SBF2: variants seen among roughly 807,000 people sequenced by gnomAD.
SBF2 encodes the protein SET binding factor 2, also known as myotubularin-related protein 13.
Under a neutral mutation model 225.2 loss-of-function variants are expected in SBF2, and 112 were observed. The observed-to-expected ratio is 0.50, with a 90% confidence interval of 0.43 to 0.58. The LOEUF is 0.58. Among genes scored for constraint, SBF2 ranks in the 20% least tolerant of loss-of-function variants. SBF2 has a pLI of 0.00. For missense variants in SBF2, 1,996 were observed against 2,206.2 expected (o/e 0.90, Z 1.91); for synonymous variants, 763 against 773.3 (o/e 0.99, Z 0.22).
chr11:10,163,000 A>AG (rs1407418105), intron 2 of SBF2, among the ~76,000 whole-genome samples: 1 of 152,152 alleles, frequency 6.6e-6, no homozygotes, highest in Admixed American at 6.5e-5. Context: ...TGTTTCATGA[A>AG]AATATCAGGG....
At chr11:10,223,402 TATATATATATATATATATATATATA>T (rs1958416995) in intron 1 of SBF2, among the ~76,000 whole-genome samples, 1 of 58,390 alleles carries the variant, frequency 1.7e-5, no homozygotes, top group Admixed American at 1.7e-4. Flanking sequence ...TTGCACATTA[TATATATATATATATATATATATATA>T]TATATATATA....
At chr11:10,277,210 G>A (rs1009384028) in intron 1 of SBF2, among the ~76,000 whole-genome samples, 3 of 150,266 alleles carry the variant, frequency 2.0e-5, no homozygotes, top group East Asian at 1.9e-4. Flanking sequence ...GCTTGAGCCC[G>A]GGAGTTTGAG....
At chr11:9,865,983 A>G (rs1858186761) in intron 17 of SBF2, among the ~76,000 whole-genome samples, 1 of 152,160 alleles carries the variant, frequency 6.6e-6, no homozygotes, top group Admixed American at 6.5e-5. Flanking sequence ...ATCATCATAT[A>G]TTTCAACTGC....
intron 2 of SBF2, among the ~76,000 whole-genome samples, chr11:10,079,745 G>A (rs946296376): frequency 7.2e-5 from 11 of 151,980 alleles, no homozygotes; most frequent in African/African-American, 2.2e-4. Context: ...CATGAACTCC[G>A]GAAATTACAT....
At chr11:10,128,442 G>A (rs938690841) in intron 2 of SBF2, among the ~76,000 whole-genome samples, 1 of 152,164 alleles carries the variant, frequency 6.6e-6, no homozygotes, top group African/African-American at 2.4e-5. Context: ...TCTTTTCCCT[G>A]TAAGAAAAGA....
At chr11:10,180,656 A>G (rs541732895) in intron 2 of SBF2, among the ~76,000 whole-genome samples, 5 of 152,094 alleles carry the variant, frequency 3.3e-5, no homozygotes, top group Non-Finnish European at 5.9e-5. Context: ...CTTTGAGTAA[A>G]CTTTCTACCC....
intron 4 of SBF2, 57 bp from the exon 5 acceptor site, chr11:10,029,932 G>T (rs1035317381): frequency 1.7e-6 from 2 of 1,177,754 alleles, no homozygotes; most frequent in African/African-American, 1.5e-5. Flanking sequence ...AAAATAAATT[G>T]TTATGACATC....
At position 10,193,978 on chromosome 11, in the gene SBF2, T is replaced by C; in HGVS notation, c.65A>G (p.Glu22Gly). The change falls in exon 2 of 40, where the codon GAA becomes GGA. Residue 22 changes from glutamate to glycine, a missense_variant. Transcript: ENST00000256190. ...TCTCTGGATTATTTTCCCCAGACCT[T>C]CTCCTGATCCTGTTAATAAAATCAA... Reference protein sequence around the residue: ...GYDHEKPGSGEGLGKIIQRFP... With the variant: ...GYDHEKPGSGGGLGKIIQRFP... The C allele has an allele frequency of 1.2e-6, 2 of 1,607,948 alleles. No homozygotes were observed. The highest frequency in any genetic ancestry group is 1.7e-6 in the Non-Finnish European group (2 of 1,174,520).
intron 2 of SBF2, among the ~76,000 whole-genome samples, chr11:10,120,142 G>A (rs1439218987): frequency 6.6e-6 from 1 of 152,104 alleles, no homozygotes; most frequent in East Asian, 1.9e-4. Context: ...GATTCTATGA[G>A]TTTGACTACT....
intron 13 of SBF2, among the ~76,000 whole-genome samples, chr11:9,985,006 C>G (rs1463691305): frequency 6.6e-6 from 1 of 152,042 alleles, no homozygotes; most frequent in African/African-American, 2.4e-5. Flanking sequence ...ACGGGACCTA[C>G]AAAACAAAAA....
At chr11:9,985,064 A>AACGAAGAGC (rs1478271573) in intron 13 of SBF2, among the ~76,000 whole-genome samples, 6 of 152,240 alleles carry the variant, frequency 3.9e-5, no homozygotes, top group Non-Finnish European at 8.8e-5. Context: ...GCCCACAGGC[A>AACGAAGAGC]ACGAAGAGCA....
Position 9,913,643 on chromosome 11 carries a change from A to AATAAAAT in SBF2, c.1861-17633_1861-17632insATTTTAT, listed in dbSNP as rs1862829631. ...AGTTGTTTAAAATAGCTGAGATTAA[A>AATAAAAT]AAAATAAAATAAAATAAAATAAAAT... On this transcript the variant is annotated intron_variant, in intron 16 of 39. Coordinates refer to ENST00000256190, the MANE Select transcript of SBF2 (RefSeq NM_030962.4). Among the ~76,000 whole-genome samples, 1,424 of 144,848 alleles carry AATAAAAT rather than the reference A, an allele frequency of 9.8e-3. 22 individuals carry two copies. The highest frequency in any genetic ancestry group is 0.034 in the African/African-American group (1,330 of 39,374).
At chr11:10,049,561 C>T (rs962274816) in intron 2 of SBF2, among the ~76,000 whole-genome samples, 2 of 151,880 alleles carry the variant, frequency 1.3e-5, no homozygotes, top group Admixed American at 6.6e-5. Context: ...GAGCAAAGAT[C>T]GCGCTATTGC....
chr11:10,063,327 AAT>A (rs149369410), intron 2 of SBF2, among the ~76,000 whole-genome samples: 9,570 of 88,048 alleles, frequency 0.11, 648 homozygotes, highest in East Asian at 0.3. Context: ...AAGTAAAAAA[AAT>A]ATATATATAT....
At chr11:9,817,710 G>A (rs546252285) in intron 28 of SBF2, among the ~76,000 whole-genome samples, 1 of 135,012 alleles carries the variant, frequency 7.4e-6, no homozygotes, top group Admixed American at 8.3e-5. Context: ...TTTGAAACCA[G>A]CCTGGGCAAC....
At chr11:9,840,696 A>G (rs1335036456) in intron 25 of SBF2, among the ~76,000 whole-genome samples, 2 of 152,212 alleles carry the variant, frequency 1.3e-5, no homozygotes, top group Non-Finnish European at 2.9e-5. Flanking sequence ...CTTTTATTAG[A>G]AATTTCTGGA....
At chr11:10,118,723 T>C (rs1953285978) in intron 2 of SBF2, among the ~76,000 whole-genome samples, 1 of 152,022 alleles carries the variant, frequency 6.6e-6, no homozygotes, top group Non-Finnish European at 1.5e-5. Context: ...CATAATTGAA[T>C]GAGTTAAAAT....
chr11:10,094,676 A>AT (rs1951942200), intron 2 of SBF2, among the ~76,000 whole-genome samples: 2 of 151,164 alleles, frequency 1.3e-5, no homozygotes, highest in African/African-American at 2.4e-5. Context: ...CTAATTTTGT[A>AT]TTTTTTTAGT....
chr11:10,137,815 T>A (rs535626248), intron 2 of SBF2, among the ~76,000 whole-genome samples: 1 of 152,192 alleles, frequency 6.6e-6, no homozygotes, highest in African/African-American at 2.4e-5. Context: ...AAGACCAGTC[T>A]AGTCAACATG....
Sources: allele counts gnomAD v4.1 joint callset (sites outside exome capture counted in the v4.1 genomes callset), GRCh38; gene constraint gnomAD v4.1.1; transcripts MANE v1.5; gene names NCBI Gene and HGNC (gene_info 2026-07-23, HGNC 2026-07-21).